Variants in LIPA observed in about 807,000 individuals in gnomAD.
The protein encoded by LIPA is lysosomal acid lipase/cholesteryl ester hydrolase.
In LIPA, 26 loss-of-function variants were observed where a neutral mutation model predicts 40.6. That is an observed-to-expected ratio of 0.64 (90% CI 0.47 to 0.89). The LOEUF is 0.89. LIPA is among the 40% of genes least tolerant of loss of function. LIPA has a pLI of 0.00. For missense variants in LIPA, 455 were observed against 479.6 expected, an observed-to-expected ratio of 0.95 and a Z score of 0.48; for synonymous variants, 188 against 168.4, an observed-to-expected ratio of 1.12 and a Z score of -0.90.
intron 1 of LIPA, among the ~76,000 whole-genome samples, chr10:89,324,516 A>C (rs1843589063): frequency 6.6e-6 from 1 of 152,226 alleles, no homozygotes; most frequent in Non-Finnish European, 1.5e-5. Context: ...AAAAATTGAC[A>C]AACGGGACCT....
At chr10:89,218,377 C>T (rs1230009642) in intron 8 of LIPA, among the ~76,000 whole-genome samples, 1 of 152,216 alleles carries the variant, frequency 6.6e-6, no homozygotes, top group African/African-American at 2.4e-5. Context: ...GCAACAGAAA[C>T]TGCCCTTTAT....
chr10:89,259,749 TTAAAA>T (rs1843197657), intron 1 of LIPA, among the ~76,000 whole-genome samples: 1 of 152,248 alleles, frequency 6.6e-6, no homozygotes, highest in African/African-American at 2.4e-5. Flanking sequence ...TGAATGACTC[TTAAAA>T]TAATTATTCT....
chr10:89,318,947 G>A (rs1471533558), intron 1 of LIPA, among the ~76,000 whole-genome samples: 7 of 152,208 alleles, frequency 4.6e-5, no homozygotes, highest in African/African-American at 1.2e-4. Flanking sequence ...ACTGAACAAC[G>A]TGCTCCTGAA....
intron 1 of LIPA, chr10:89,338,613 A>C (rs1843786171): frequency 2.0e-6 from 3 of 1,534,844 alleles, no homozygotes; most frequent in Admixed American, 1.9e-5. Context: ...CACAGGGTGC[A>C]GTGCTTGGCA....
intron 2 of LIPA, chr10:89,384,746 G>C: frequency 1.3e-6 from 2 of 1,580,658 alleles, no homozygotes; most frequent in Non-Finnish European, 8.6e-7. Flanking sequence ...TAACATAGAG[G>C]TCACCATTAT....
At chr10:89,360,446 A>G (rs1052639368) in intron 2 of LIPA, among the ~76,000 whole-genome samples, 2 of 152,236 alleles carry the variant, frequency 1.3e-5, no homozygotes, top group Admixed American at 6.5e-5. Flanking sequence ...CACCAAGATA[A>G]GTGTCCTGGC....
chr10:89,262,532 C>A (rs1843216145), intron 1 of LIPA, among the ~76,000 whole-genome samples: 1 of 152,246 alleles, frequency 6.6e-6, no homozygotes, highest in Non-Finnish European at 1.5e-5. Flanking sequence ...GCTAAGCAAA[C>A]CTTGACATTT....
At chr10:89,384,086 C>T (rs543130541) in intron 2 of LIPA, 4 of 1,614,152 alleles carry the variant, frequency 2.5e-6, no homozygotes, top group Admixed American at 1.7e-5. Context: ...CAATATGCAG[C>T]CAAGTTTTAT....
intron 1 of LIPA, among the ~76,000 whole-genome samples, chr10:89,289,807 CACTT>C (rs1239870623): frequency 6.6e-6 from 1 of 152,166 alleles, no homozygotes. Context: ...TTTACTTTTA[CACTT>C]ACTCTTATTC....
chr10:89,304,129 TAAAC>T (rs1194336268), intron 1 of LIPA, among the ~76,000 whole-genome samples: 11 of 152,210 alleles, frequency 7.2e-5, no homozygotes, highest in South Asian at 2.1e-4. Context: ...CCAGGCAGAA[TAAAC>T]AAACAAACAA....
At chr10:89,315,967 A>C (rs1007870333) in intron 1 of LIPA, among the ~76,000 whole-genome samples, 1 of 152,194 alleles carries the variant, frequency 6.6e-6, no homozygotes, top group African/African-American at 2.4e-5. Context: ...CACATTGTGC[A>C]GGTTAGTTAC....
intron 2 of LIPA, among the ~76,000 whole-genome samples, chr10:89,390,595 C>CT (rs997571102): frequency 7.2e-5 from 11 of 152,116 alleles, no homozygotes; most frequent in African/African-American, 2.2e-4. Flanking sequence ...TTCCCATTTT[C>CT]TTTTTTATCT....
chr10:89,328,791 T>C (rs901167377), intron 1 of LIPA, among the ~76,000 whole-genome samples: 2 of 152,222 alleles, frequency 1.3e-5, no homozygotes, highest in African/African-American at 4.8e-5. Flanking sequence ...ATCTATTATC[T>C]AAAACTAGTC....
intron 2 of LIPA, among the ~76,000 whole-genome samples, chr10:89,354,197 G>T (rs1843977201): frequency 6.6e-6 from 1 of 152,152 alleles, no homozygotes. Flanking sequence ...TCAGTGAAAG[G>T]CTGATCAAAG....
chr10:89,267,225 C>A (rs1843240950), intron 1 of LIPA, among the ~76,000 whole-genome samples: 1 of 152,118 alleles, frequency 6.6e-6, no homozygotes, highest in Admixed American at 6.5e-5. Context: ...TGCAAACAGA[C>A]TATTTAACAG....
At chr10:89,240,212 A>G (rs1024401023) in intron 3 of LIPA, among the ~76,000 whole-genome samples, 1 of 152,150 alleles carries the variant, frequency 6.6e-6, no homozygotes, top group African/African-American at 2.4e-5. Flanking sequence ...TCCTGTCCAC[A>G]CAGTTTAGAA....
chr10:89,391,717 A>G (rs1272595273), intron 2 of LIPA, among the ~76,000 whole-genome samples: 2 of 151,962 alleles, frequency 1.3e-5, no homozygotes, highest in Non-Finnish European at 2.9e-5. Flanking sequence ...TTTAGTAGAG[A>G]GGGGGTTTCA....
chr10:89,362,658 C>A, intron 2 of LIPA: 1 of 542,518 alleles, frequency 1.8e-6, no homozygotes, highest in Non-Finnish European at 3.1e-6. Flanking sequence ...CCAGACTTAC[C>A]TGGATAAGGT....
chr10:89,298,387 A>G (rs529834146), intron 1 of LIPA, among the ~76,000 whole-genome samples: 3 of 152,306 alleles, frequency 2.0e-5, no homozygotes, highest in African/African-American at 7.2e-5. Context: ...CCCACCCTAA[A>G]CCATCAAGGA....
Sources: allele counts gnomAD v4.1 joint callset (sites outside exome capture counted in the v4.1 genomes callset), GRCh38; gene constraint gnomAD v4.1.1; transcripts MANE v1.5; gene names NCBI Gene and HGNC (gene_info 2026-07-23, HGNC 2026-07-21).